The following KCNAB2 variants were observed in gnomAD, a reference collection of about 807,000 sequenced individuals.
KCNAB2 encodes voltage-gated potassium channel subunit beta-2.
KCNAB2 carries 29 observed loss-of-function variants against 63.6 expected under a neutral mutation model. That is an observed-to-expected ratio of 0.46 (90% CI 0.34 to 0.62). The LOEUF (loss-of-function observed/expected upper bound fraction) is 0.62. Ranked by LOEUF, KCNAB2 falls within the 20% of genes least tolerant of loss-of-function variation. The pLI, the probability that KCNAB2 is intolerant of heterozygous loss-of-function variation, is 0.01. For synonymous variants in KCNAB2, 222 were observed against 224.2 expected (o/e 0.99, Z 0.09); for missense variants, 359 against 563.9 (o/e 0.64, Z 3.68).
In KCNAB2 at chr1:5,994,198, C is replaced by G. The variant is rs1315022338; in HGVS notation, c.-53+1410C>G. Among the ~76,000 whole-genome samples the G allele has an allele frequency of 6.6e-6, 1 of 152,236 alleles. No homozygotes were observed. The highest frequency in any genetic ancestry group is 1.5e-5 in the Non-Finnish European group (1 of 68,048). On this transcript the variant is annotated intron_variant, in intron 1 of 16. Coordinates refer to the KCNAB2 transcript ENST00000341524. This position sits in a 1 kb window ranked among gnomAD's most constrained non-coding sequence, Gnocchi z 5.4. The stretch of plus-strand genomic sequence containing the variant: ...CAAAAACCCCAGCCTCACCCCTCCC[C>G]TTTCCCCCAGTGCCAAGAGTAAGCT...
At chr1:6,090,216 A>T (rs1338854583) in intron 8 of KCNAB2, among the ~76,000 whole-genome samples, 173 bp from the exon 9 acceptor site, 1 of 150,876 alleles carries the variant, frequency 6.6e-6, no homozygotes, top group Non-Finnish European at 1.5e-5. Flanking sequence ...TCCCTGTGGG[A>T]TGTGCCCCCA....
intron 8 of KCNAB2, among the ~76,000 whole-genome samples, chr1:6,089,385 G>A (rs544013423): frequency 4.6e-5 from 7 of 152,362 alleles, no homozygotes; most frequent in South Asian, 4.1e-4. Context: ...CAGTAAGAGC[G>A]CACCCGGCGA....
intron 10 of KCNAB2, among the ~76,000 whole-genome samples, chr1:6,093,847 C>T (rs1219909208): frequency 1.3e-5 from 2 of 152,204 alleles, no homozygotes; most frequent in African/African-American, 2.4e-5. Flanking sequence ...CCCTATTCTC[C>T]GGGACCATAT....
intron 10 of KCNAB2, 130 bp from the exon 11 acceptor site, chr1:6,094,270 A>C: frequency 3.0e-6 from 2 of 662,794 alleles, no homozygotes; most frequent in Middle Eastern, 4.0e-4. Flanking sequence ...CAGGAAGTAC[A>C]CTGCTTGCAA....
chr1:6,045,907 C>T lies in KCNAB2; in HGVS notation c.-303C>T, dbSNP rs1464270765. On this transcript the variant is annotated 5_prime_UTR_variant, in exon 1 of 16. Transcript: ENST00000378083. This position sits in a 1 kb window ranked among gnomAD's most constrained non-coding sequence, Gnocchi z 4.8. The stretch of plus-strand genomic sequence containing the variant: ...ACCGGGAGTCAGCCTTGCCAGGTTG[C>T]AGCACGGAACTGCACTTCCCGAGCT... 3 of 985,354 alleles carry T rather than the reference C, an allele frequency of 3.0e-6. No homozygotes were observed. Among genetic ancestry groups the T allele is most frequent in the Non-Finnish European group, 2.4e-6 (2 of 829,956 alleles). 61.0% of individuals were successfully genotyped at this position (985,354 alleles called of 1,614,324 possible). A position where few individuals can be genotyped will look rare whatever the true frequency, so the allele number is the denominator to read the frequency against.
chr1:6,082,405 C>T (rs2100714343), intron 5 of KCNAB2, 131 bp downstream of exon 5: 1 of 696,874 alleles, frequency 1.4e-6, no homozygotes, highest in Middle Eastern at 2.5e-4. Context: ...CATTTTTAAA[C>T]TCTGAATGGC....
upstream of KCNAB2, among the ~76,000 whole-genome samples, chr1:6,033,348 T>C (rs1021107098): frequency 1.5e-4 from 22 of 150,686 alleles, no homozygotes; most frequent in African/African-American, 4.6e-4. Flanking sequence ...CATGTGTGTG[T>C]GTGCGTGTGG....
chr1:6,054,807 A>G (rs1661672617), intron 2 of KCNAB2, among the ~76,000 whole-genome samples: 1 of 152,224 alleles, frequency 6.6e-6, no homozygotes, highest in Non-Finnish European at 1.5e-5. Context: ...GCAAATGAAG[A>G]CTTGGCCCAC....
chr1:6,032,651 A>G (rs1295189251), upstream of KCNAB2, among the ~76,000 whole-genome samples: 1 of 151,990 alleles, frequency 6.6e-6, no homozygotes, highest in African/African-American at 2.4e-5. Flanking sequence ...AGAAGGAAGG[A>G]AAAAGAAAAG....
At chr1:6,080,266 A>T (rs1664079670) in intron 4 of KCNAB2, among the ~76,000 whole-genome samples, 1 of 152,166 alleles carries the variant, frequency 6.6e-6, no homozygotes, top group South Asian at 2.1e-4. Context: ...GGAAGCAGTG[A>T]GCAGGTGAAC....
In KCNAB2 at chr1:6,088,988, G is replaced by A. The variant is rs369425812; in HGVS notation, c.471-20G>A. 72 of 1,548,392 alleles carry A rather than the reference G, an allele frequency of 4.6e-5. No homozygotes were observed. The highest frequency in any genetic ancestry group is 5.3e-5 in the Non-Finnish European group (61 of 1,145,782). On this transcript the variant is annotated intron_variant, in intron 7 of 15. Coordinates refer to ENST00000378083, the MANE Select transcript of KCNAB2 (RefSeq NM_001199862.2). ...GCCAAAACCGCTGGTGACATCACAC[G>A]CGGTCGGCCTGTTTTCCAGGGCGGA...
chr1:6,018,335 A>C (rs1010408767), intron 1 of KCNAB2, among the ~76,000 whole-genome samples: 1 of 152,238 alleles, frequency 6.6e-6, no homozygotes. Flanking sequence ...AGTAGCGTGA[A>C]AGCAGCCCCG....
At chr1:6,062,144 C>T (rs775282172) in intron 2 of KCNAB2, among the ~76,000 whole-genome samples, 2 of 151,956 alleles carry the variant, frequency 1.3e-5, no homozygotes, top group Non-Finnish European at 2.9e-5. Flanking sequence ...GAAACTCTGT[C>T]TCTACTAAAA....
Position 6,035,988 on chromosome 1 carries a change from C to G in KCNAB2, c.-53+1194C>G, listed in dbSNP as rs895336013. ...GCTGGGGAAGCCGCAGGCAGCACCT[C>G]TGTCACCCCGATACGATGGGCACCG... On this transcript the variant is annotated intron_variant, in intron 1 of 15. Transcript: ENST00000164247. This position sits in a 1 kb window ranked among gnomAD's most constrained non-coding sequence, Gnocchi z 5.0. 1.3e-5 allele frequency: 2 copies of G among 152,756 alleles called. No homozygotes were observed. Among genetic ancestry groups the G allele is most frequent in the African/African-American group, 4.8e-5 (2 of 41,430 alleles). 9.5% of individuals were successfully genotyped at this position (152,756 alleles called of 1,614,324 possible).
At position 6,005,924 on chromosome 1, in the gene KCNAB2, C is replaced by CTT. The variant is rs1361890261; in HGVS notation, c.-53+13136_-53+13137insTT. The stretch of plus-strand genomic sequence containing the variant: ...ACCCCTCAGCTCAGCTCCCACATCC[C>CTT]CCCACTCCACCCTCACCCCTCAGCT... On this transcript the variant is annotated intron_variant, in intron 1 of 16. Coordinates refer to the KCNAB2 transcript ENST00000341524. 3.0e-3 allele frequency among the ~76,000 whole-genome samples: 388 copies of CTT among 127,430 alleles called. 11 individuals are homozygous for CTT. In the East Asian group the frequency reaches 0.038, roughly 12 times the overall value. 83.6% of individuals were successfully genotyped at this position (127,430 alleles called of 152,430 possible).
chr1:6,052,798 G>C (rs980920375), intron 2 of KCNAB2, among the ~76,000 whole-genome samples: 1 of 152,112 alleles, frequency 6.6e-6, no homozygotes, highest in African/African-American at 2.4e-5. Flanking sequence ...AGATAAACGC[G>C]TAACTTTTTA....
rs2100797785 is a variant in KCNAB2, at chr1:6,096,988, C to T, written c.1069+232C>T. On this transcript the variant is annotated intron_variant, in intron 14 of 15. Coordinates refer to ENST00000378083, the MANE Select transcript of KCNAB2 (RefSeq NM_001199862.2). This position sits in a 1 kb window ranked among gnomAD's most constrained non-coding sequence, Gnocchi z 5.9. ...CCCTGAGGACCTGGGCCACCCCCTC[C>T]ATCTGCCAGCCATAGGTAATGGGGC... is the stretch of plus-strand genomic sequence containing the variant. Among the ~76,000 whole-genome samples, 1 of 152,314 alleles carries T rather than the reference C, an allele frequency of 6.6e-6. No homozygotes were observed. The highest frequency in any genetic ancestry group is 1.9e-4 in the East Asian group (1 of 5,184).
chr1:5,997,857 A>T (rs1209784499), intron 1 of KCNAB2, among the ~76,000 whole-genome samples: 1 of 152,256 alleles, frequency 6.6e-6, no homozygotes, highest in Non-Finnish European at 1.5e-5. Flanking sequence ...AACATTGCTT[A>T]AAACCTATAC....
chr1:6,007,000 A>G (rs1278366450), intron 1 of KCNAB2, among the ~76,000 whole-genome samples: 1 of 152,166 alleles, frequency 6.6e-6, no homozygotes, highest in Non-Finnish European at 1.5e-5. Context: ...ACTGTGCTTA[A>G]GCCCAGCAGC....
Sources: allele counts gnomAD v4.1 joint callset (sites outside exome capture counted in the v4.1 genomes callset), GRCh38; gene constraint gnomAD v4.1.1; non-coding constraint Gnocchi (gnomAD v3.1); transcripts MANE v1.5; gene names NCBI Gene and HGNC (gene_info 2026-07-23, HGNC 2026-07-21).